ZFP62: variants seen among roughly 807,000 people sequenced by gnomAD.
ZFP62 encodes the protein zinc finger protein 62 homolog.
Under a neutral mutation model 56.4 loss-of-function variants are expected in ZFP62, and 44 were observed. The ratio of observed to expected loss-of-function variants is 0.78; its 90% confidence interval spans 0.61 to 1.00. The LOEUF (loss-of-function observed/expected upper bound fraction) is 1.00, where lower values mean the gene tolerates loss of function less well. Among genes scored for constraint, ZFP62 ranks in the 50% least tolerant of loss-of-function variants. The probability of loss-of-function intolerance (pLI) is 0.00; values close to 1 mark genes in which losing one functional copy is unlikely to be tolerated. For synonymous variants in ZFP62, 421 were observed against 388.9 expected (o/e 1.08, Z -0.97); for missense variants, 1,030 against 1,085.7 (o/e 0.95, Z 0.72).
At chr5:180,836,763 C>T in the ZFP62 span, among the ~76,000 whole-genome samples, 1 of 152,146 alleles carries the variant, frequency 6.6e-6, no homozygotes, top group Non-Finnish European at 1.5e-5. Context: ...TCCAGAGCCA[C>T]GGGGGCTGGA....
the ZFP62 span, among the ~76,000 whole-genome samples, chr5:180,829,092 T>TA: frequency 7.2e-5 from 11 of 152,368 alleles, no homozygotes; most frequent in Non-Finnish European, 1.3e-4. Flanking sequence ...TTAAGGTGTT[T>TA]ATCAAGACAC....
In ZFP62 at chr5:180,851,175, G is replaced by A; in HGVS notation, c.320C>T (p.Pro107Leu). 6.4e-7 allele frequency: 1 copy of A among 1,551,664 alleles called. No homozygotes were observed. Among genetic ancestry groups the A allele is most frequent in the Non-Finnish European group, 8.7e-7 (1 of 1,146,990 alleles). ...SPQHITHQTM[P>L]IGQRGSEQGK... ...TTGCTCACTGCCTCTCTGTCCTATA[G>A]GCATAGTCTGGTGTGTGATATGCTG... The change falls in exon 2 of 2, where the codon CCT (proline) becomes CTT (leucine). Residue 107 changes from proline to leucine, a missense_variant. By Grantham distance (98) the Pro-to-Leu change is moderately conservative. Transcript: ENST00000502412.
the ZFP62 span, chr5:180,835,135 G>A: frequency 6.6e-6 from 1 of 152,244 alleles, no homozygotes; most frequent in Non-Finnish European, 1.5e-5. Flanking sequence ...GTGGAACTGA[G>A]TTCAAGGATA....
At position 180,851,244 on chromosome 5, in the gene ZFP62, T is replaced by TCTTTATATTTG; in HGVS notation, c.250_251insCAAATATAAAG (p.Glu84AlafsTer17). 2 of 1,551,650 alleles carry TCTTTATATTTG rather than the reference T, an allele frequency of 1.3e-6. No homozygotes were observed. The highest frequency in any genetic ancestry group is 4.9e-5 in the East Asian group (2 of 40,922). On this transcript the variant is annotated frameshift_variant, in exon 2 of 2. Transcript: ENST00000502412. LOFTEE classifies it high-confidence loss of function. The stretch of plus-strand genomic sequence containing the variant: ...CTTCTCAGATGCCTCACCTTCCTGT[T>TCTTTATATTTG]CTGTCTTTATATTTGCTGTACTCTT...
At chr5:180,831,398 T>G in the ZFP62 span, 1 of 150,858 alleles carries the variant, frequency 6.6e-6, no homozygotes, top group African/African-American at 2.4e-5. Flanking sequence ...ATCGCGCAGC[T>G]TCCTGGTTTC....
At chr5:180,829,085 A>G in the ZFP62 span, among the ~76,000 whole-genome samples, 36 of 151,972 alleles carry the variant, frequency 2.4e-4, no homozygotes, top group Non-Finnish European at 5.2e-4. Flanking sequence ...TTTTCTGTTA[A>G]GGTGTTTATC....
chr5:180,842,977 C>A (rs1773344763), downstream of ZFP62, among the ~76,000 whole-genome samples: 1 of 150,618 alleles, frequency 6.6e-6, no homozygotes, highest in African/African-American at 2.4e-5. Flanking sequence ...TGGGAGGTAG[C>A]CATTGCAGTG....
At chr5:180,851,516 A>G in intron 1 of ZFP62, 23 bp from the exon 2 acceptor site, 1 of 1,495,602 alleles carries the variant, frequency 6.7e-7, no homozygotes, top group Non-Finnish European at 8.9e-7. Flanking sequence ...AATGAAAAGG[A>G]CACCTATTCA....
chr5:180,829,634 T>C, the ZFP62 span, among the ~76,000 whole-genome samples: 1 of 152,228 alleles, frequency 6.6e-6, no homozygotes, highest in African/African-American at 2.4e-5. Flanking sequence ...CTATCTAAAT[T>C]TTTATCTGAA....
chr5:180,858,279 GAAAAAAAGAAAAGAAAA>G (rs1774111741), intron 1 of ZFP62, among the ~76,000 whole-genome samples: 9 of 108,184 alleles, frequency 8.3e-5, no homozygotes, highest in Admixed American at 1.1e-4. Context: ...AAAAAAAAAA[GAAAAAAAGAAAAGAAAA>G]AAAAGAAAAA....
chr5:180,827,719 G>T, the ZFP62 span, among the ~76,000 whole-genome samples: 107 of 152,310 alleles, frequency 7.0e-4, no homozygotes, highest in East Asian at 5.2e-3. Flanking sequence ...AGTATAAGAG[G>T]AAGGCATGCC....
chr5:180,832,827 GC>G, the ZFP62 span: 1 of 152,196 alleles, frequency 6.6e-6, no homozygotes, highest in Admixed American at 6.5e-5. Flanking sequence ...AAACTCTGGG[GC>G]CCAGCAGCCT....
At chr5:180,836,925 C>T in the ZFP62 span, among the ~76,000 whole-genome samples, 1 of 152,314 alleles carries the variant, frequency 6.6e-6, no homozygotes, top group African/African-American at 2.4e-5. Context: ...CATAACATTC[C>T]TGTGCTATCA....
rs975905718 is a variant in ZFP62 at position 180,849,969 on chromosome 5, T to C, written c.1526A>G (p.Tyr509Cys). ...GCTGTAGTTGAAGGATTTCTCACAA[T>C]AGCTACATTTATAGGGCTTCTCCCC... ...HLGEKPYKCS[Y>C]CEKSFNYSSA... is the part of the protein sequence containing the mutation. The change falls in exon 2 of 2, where the codon TAT becomes TGT. Residue 509 changes from tyrosine to cysteine, a missense_variant. Tyr to Cys is a radical substitution (Grantham distance 194). Coordinates refer to ENST00000502412, the MANE Select transcript of ZFP62 (RefSeq NM_001172638.2). 4.5e-6 allele frequency: 7 copies of C among 1,551,376 alleles called. No individual in the cohort carries two copies. In the African/African-American group the frequency reaches 6.9e-5, roughly 15 times the overall value.
the ZFP62 span, among the ~76,000 whole-genome samples, chr5:180,828,182 TCCACCTAACG>T: frequency 2.0e-5 from 3 of 152,210 alleles, no homozygotes; most frequent in African/African-American, 7.2e-5. Flanking sequence ...AGTCTCTCGT[TCCACCTAACG>T]AGAAACACCC....
the ZFP62 span, among the ~76,000 whole-genome samples, chr5:180,828,893 G>A: frequency 1.3e-5 from 2 of 152,196 alleles, no homozygotes; most frequent in African/African-American, 4.8e-5. Flanking sequence ...AAGACCCTGG[G>A]AAAGGAATGC....
At chr5:180,842,422 A>C in the ZFP62 span, among the ~76,000 whole-genome samples, 2 of 152,248 alleles carry the variant, frequency 1.3e-5, no homozygotes, top group Admixed American at 6.5e-5. Flanking sequence ...CCACACCAAA[A>C]TAAAACACAG....
At chr5:180,842,449 C>T in the ZFP62 span, among the ~76,000 whole-genome samples, 15,773 of 151,740 alleles carry the variant, frequency 0.1, 2,038 homozygotes, top group African/African-American at 0.3. Context: ...TGGAATAAAC[C>T]GAAGATTAAA....
chr5:180,857,292 G>C (rs1373815057), intron 1 of ZFP62, among the ~76,000 whole-genome samples: 1 of 151,274 alleles, frequency 6.6e-6, no homozygotes, highest in South Asian at 2.1e-4. Flanking sequence ...ATATATTTTA[G>C]GCTTTGTGGG....
Sources: gnomAD v4.1 joint callset for allele counts (sites outside exome capture counted in the v4.1 genomes callset) on GRCh38, gnomAD v4.1.1 for gene constraint, MANE v1.5 for transcripts, NCBI Gene and HGNC (gene_info 2026-07-23, HGNC 2026-07-21) for gene names.